The following MTUS2 variants were observed in gnomAD, a reference collection of about 807,000 sequenced individuals.
MTUS2 encodes microtubule-associated tumor suppressor candidate 2.
MTUS2 carries 40 observed loss-of-function variants against 114.1 expected under a neutral mutation model. The observed-to-expected ratio is 0.35, with a 90% CI of 0.27 to 0.46. The LOEUF is 0.46. Ranked by LOEUF, MTUS2 falls within the 20% of genes least tolerant of loss-of-function variation. The probability of loss-of-function intolerance (pLI) is 1.00; values close to 1 mark genes in which losing one functional copy is unlikely to be tolerated. For synonymous variants in MTUS2, 688 were observed against 672.0 expected (o/e 1.02, Z -0.37); for missense variants, 1,679 against 1,705.4 (o/e 0.98, Z 0.27).
At chr13:29,325,576 G>GGAA (rs1449015475) in intron 7 of MTUS2, among the ~76,000 whole-genome samples, 3 of 26,170 alleles carry the variant, frequency 1.1e-4, no homozygotes, top group Non-Finnish European at 1.9e-4. Flanking sequence ...AAGAAGAGGA[G>GGAA]GAGGAAGAGG....
intron 2 of MTUS2, among the ~76,000 whole-genome samples, chr13:28,947,691 C>T (rs1448004772): frequency 1.3e-5 from 2 of 152,192 alleles, no homozygotes; most frequent in African/African-American, 4.8e-5. Context: ...ATCTCCAACA[C>T]CTTTCAGGTC....
At chr13:29,387,167 A>G (rs753029788) in intron 8 of MTUS2, among the ~76,000 whole-genome samples, 1 of 152,252 alleles carries the variant, frequency 6.6e-6, no homozygotes, top group Non-Finnish European at 1.5e-5. Flanking sequence ...CAGACGTGTC[A>G]TAAGTGGCTC....
rs1877688474 is a variant in MTUS2, at chr13:28,872,605, A to T, written c.-243+32755A>T. On this transcript the variant is annotated intron_variant, in intron 2 of 15. Transcript: ENST00000612955. ...AGGGGAACTGGCATGTACAGAGATC[A>T]CATGGCAAGAGAGGAAGTAACAGAG... Among the ~76,000 whole-genome samples the T allele has an allele frequency of 2.6e-5, 4 of 152,320 alleles. No homozygotes were observed. The South Asian group carries it at 8.3e-4, about 32-fold the overall frequency.
intron 2 of MTUS2, among the ~76,000 whole-genome samples, chr13:28,983,887 G>A (rs1217452741): frequency 2.0e-5 from 3 of 152,230 alleles, no homozygotes; most frequent in Non-Finnish European, 2.9e-5. Flanking sequence ...GCTTACCGCA[G>A]GAAGGACTGA....
chr13:29,030,319 G>A (rs1306433622), intron 3 of MTUS2, among the ~76,000 whole-genome samples: 1 of 152,140 alleles, frequency 6.6e-6, no homozygotes, highest in African/African-American at 2.4e-5. Flanking sequence ...CTCGCACCTC[G>A]AGCATCCCAA....
At chr13:28,821,550 A>T (rs1409534291) in intron 1 of MTUS2, among the ~76,000 whole-genome samples, 1 of 152,068 alleles carries the variant, frequency 6.6e-6, no homozygotes, top group South Asian at 2.1e-4. Context: ...ATTTATGGCT[A>T]TTTTTTTCAG....
chr13:29,026,859 C>T lies in MTUS2; in HGVS notation c.2161C>T (p.Pro721Ser). ...ATTGATGGTGTCTGGAATCAAGCCCCCGGGACATCCTTTCAGTCAAATGAG... is the reference window on the plus strand; with the variant it reads ...ATTGATGGTGTCTGGAATCAAGCCCTCGGGACATCCTTTCAGTCAAATGAG... The part of the protein sequence containing the change: ...SGLMVSGIKP[P>S]GHPFSQMSEK... Residue 721 changes from proline to serine, a missense_variant, in exon 3 of 16, where the codon CCG (proline) becomes TCG (serine). This residue lies in a region of MTUS2 where 822 missense variants were observed against 899.7 expected (regional missense o/e 0.91). Coordinates refer to ENST00000612955, the MANE Select transcript of MTUS2 (RefSeq NM_001033602.4). The T allele has an allele frequency of 1.9e-6, 3 of 1,602,980 alleles. No individual in the cohort carries two copies. Among genetic ancestry groups the T allele is most frequent in the Non-Finnish European group, 2.5e-6 (3 of 1,179,210 alleles).
intron 5 of MTUS2, among the ~76,000 whole-genome samples, chr13:29,134,876 G>A (rs530717804): frequency 1.3e-5 from 2 of 152,236 alleles, no homozygotes; most frequent in South Asian, 2.1e-4. Flanking sequence ...GTGAGCCACC[G>A]TACCCGGCCA....
chr13:29,319,889 T>C (rs1251705890), intron 6 of MTUS2, among the ~76,000 whole-genome samples: 1 of 152,052 alleles, frequency 6.6e-6, no homozygotes, highest in Non-Finnish European at 1.5e-5. Context: ...TAAATAAGTG[T>C]CAGGGACTCC....
rs187438246 is a variant in MTUS2 at position 28,864,398 on chromosome 13, G to A, written c.-243+24548G>A. Among the ~76,000 whole-genome samples, 9 of 152,288 alleles carry A rather than the reference G, an allele frequency of 5.9e-5. No homozygotes were observed. In the East Asian group the frequency reaches 1.4e-3, roughly 23 times the overall value. ...GGATATCATGTTAGGCCATAGTGTG[G>A]GAATGTGTTGTGGCAAGAGACTGAC... On this transcript the variant is annotated intron_variant, in intron 2 of 15. Transcript: ENST00000612955.
chr13:29,102,740 C>G (rs1276151245), intron 5 of MTUS2, among the ~76,000 whole-genome samples: 1 of 152,146 alleles, frequency 6.6e-6, no homozygotes, highest in African/African-American at 2.4e-5. Context: ...TTTGATTTGT[C>G]TAAGTACTAC....
intron 4 of MTUS2, among the ~76,000 whole-genome samples, chr13:29,054,794 A>G (rs182812207): frequency 1.0e-3 from 154 of 152,210 alleles, no homozygotes; most frequent in Non-Finnish European, 1.7e-3. Flanking sequence ...TTATCTTTCA[A>G]TTGAGAAGAT....
chr13:29,451,835 C>T (rs1044362704), intron 9 of MTUS2, among the ~76,000 whole-genome samples: 3 of 151,996 alleles, frequency 2.0e-5, no homozygotes, highest in African/African-American at 7.2e-5. Context: ...GTGATCCACC[C>T]GCCTCAGCCT....
At chr13:29,166,308 G>A (rs1015091614) in intron 5 of MTUS2, among the ~76,000 whole-genome samples, 7 of 152,222 alleles carry the variant, frequency 4.6e-5, no homozygotes, top group African/African-American at 1.4e-4. Context: ...GGCCAACATG[G>A]AGAACTGACA....
At chr13:29,261,698 AGAT>A (rs1213771089) in intron 5 of MTUS2, among the ~76,000 whole-genome samples, 8 of 152,238 alleles carry the variant, frequency 5.3e-5, no homozygotes, top group African/African-American at 1.9e-4. Context: ...GGTTCACATC[AGAT>A]GGTGTTATCT....
chr13:29,231,317 C>A (rs1896314637), intron 5 of MTUS2, among the ~76,000 whole-genome samples: 1 of 152,088 alleles, frequency 6.6e-6, no homozygotes, highest in South Asian at 2.1e-4. Flanking sequence ...TTTTTTAAAA[C>A]TTTTTCCAAC....
chr13:29,256,694 C>T (rs759613316), intron 5 of MTUS2, among the ~76,000 whole-genome samples: 6 of 152,232 alleles, frequency 3.9e-5, no homozygotes, highest in Non-Finnish European at 8.8e-5. Flanking sequence ...CAAAAACAAA[C>T]AGCATCTCTA....
rs528708617 is a variant in MTUS2 at position 29,269,182 on chromosome 13, C to T, written c.2645-12522C>T. On this transcript the variant is annotated intron_variant, in intron 5 of 15. Transcript: ENST00000612955. ...TTAGCTTAACAACTGACAGTCATTC[C>T]CCAGTGCCCATTTGTCCTTAGGTCA... is the stretch of plus-strand genomic sequence containing the variant. Among the ~76,000 whole-genome samples, 57 of 152,190 alleles carry T rather than the reference C, an allele frequency of 3.7e-4. No individual in the cohort carries two copies. In the Middle Eastern group the frequency reaches 0.014, roughly 37 times the overall value.
chr13:28,902,478 A>T (rs1158670501), intron 2 of MTUS2, among the ~76,000 whole-genome samples: 3 of 152,106 alleles, frequency 2.0e-5, no homozygotes, highest in African/African-American at 7.2e-5. Context: ...GTAGGTACTC[A>T]TTCTTGAACA....
Sources: allele counts gnomAD v4.1 joint callset (sites outside exome capture counted in the v4.1 genomes callset), GRCh38; gene constraint gnomAD v4.1.1; regional missense constraint gnomAD v4.1.1; transcripts MANE v1.5; gene names NCBI Gene and HGNC (gene_info 2026-07-23, HGNC 2026-07-21).